Variants in EIF3K observed in about 807,000 individuals in gnomAD.
The protein encoded by EIF3K is eukaryotic translation initiation factor 3 subunit K.
A neutral mutation model predicts 34.2 loss-of-function variants in EIF3K; 27 were observed. The observed-to-expected ratio is 0.79, with a 90% CI of 0.58 to 1.09. The LOEUF is 1.09. Among genes scored for constraint, EIF3K ranks in the 50% least tolerant of loss-of-function variants. The pLI is 0.00. For synonymous variants in EIF3K, 105 were observed against 105.7 expected, an observed-to-expected ratio of 0.99 and a Z score of 0.04; for missense variants, 232 against 275.4, an observed-to-expected ratio of 0.84 and a Z score of 1.11.
intron 4 of EIF3K, among the ~76,000 whole-genome samples, chr19:38,629,957 A>G (rs1599736356): frequency 6.6e-6 from 1 of 152,208 alleles, no homozygotes; most frequent in South Asian, 2.1e-4. Context: ...GGCTGAATAC[A>G]CTTAGCCAAT....
chr19:38,634,909 G>C, intron 6 of EIF3K, 84 bp from the exon 7 acceptor site: 1 of 1,585,988 alleles, frequency 6.3e-7, no homozygotes, highest in East Asian at 2.3e-5. Flanking sequence ...CTGGCTTCCT[G>C]AGCCATGACT....
chr19:38,636,803 C>G, intron 7 of EIF3K, 86 bp from the exon 8 acceptor site: 1 of 1,511,794 alleles, frequency 6.6e-7, no homozygotes. Context: ...TGATCTCCCC[C>G]TAAAGAATTG....
chr19:38,632,513 G>C lies in EIF3K; in HGVS notation c.421+17G>C. The C allele has an allele frequency of 2.5e-6, 4 of 1,614,146 alleles. No individual in the cohort carries two copies. The highest frequency in any genetic ancestry group is 3.4e-6 in the Non-Finnish European group (4 of 1,179,968). ...TCCGAAAGTGTAAGTCCCTCTCTGA[G>C]GCTGGGCTCCCCAAGGGGAAGGGGT... On this transcript the variant is annotated intron_variant, in intron 5 of 7. Transcript: ENST00000248342.
chr19:38,625,309 A>G (rs935326640), intron 3 of EIF3K, among the ~76,000 whole-genome samples: 3 of 151,620 alleles, frequency 2.0e-5, no homozygotes, highest in Non-Finnish European at 4.4e-5. Flanking sequence ...CCACAGGTGC[A>G]TGCATGCTAC....
intron 4 of EIF3K, among the ~76,000 whole-genome samples, chr19:38,626,715 C>G (rs73552645): frequency 1.3e-5 from 2 of 152,206 alleles, no homozygotes; most frequent in African/African-American, 2.4e-5. Context: ...CCTGGCCCCC[C>G]ACTTCTGCAG....
chr19:38,635,236 G>T, intron 7 of EIF3K, 118 bp downstream of exon 7: 2 of 1,413,246 alleles, frequency 1.4e-6, no homozygotes, highest in Non-Finnish European at 9.8e-7. Context: ...TGGGAAGTCT[G>T]CACCTGCCAG....
chr19:38,621,807 T>C (rs1250939064), intron 2 of EIF3K, among the ~76,000 whole-genome samples: 1 of 152,186 alleles, frequency 6.6e-6, no homozygotes, highest in Admixed American at 6.6e-5. Context: ...GGCTGCAGTT[T>C]GTTGTCATGG....
At chr19:38,627,175 G>A (rs979551650) in intron 4 of EIF3K, among the ~76,000 whole-genome samples, 2 of 151,844 alleles carry the variant, frequency 1.3e-5, no homozygotes, top group African/African-American at 4.8e-5. Flanking sequence ...TAGTAGAGAC[G>A]GGGTTTTGCC....
intron 6 of EIF3K, among the ~76,000 whole-genome samples, chr19:38,633,190 TAGAG>T (rs964864982): frequency 6.6e-6 from 1 of 151,778 alleles, no homozygotes; most frequent in Non-Finnish European, 1.5e-5. Context: ...TGGGCGAAAG[TAGAG>T]AGCTGGGGGT....
intron 4 of EIF3K, chr19:38,632,082 T>TC (rs1976080561): frequency 8.3e-6 from 2 of 241,946 alleles, no homozygotes; most frequent in African/African-American, 4.6e-5. Context: ...ATCTTTCTTT[T>TC]CCCCACACAT....
intron 3 of EIF3K, among the ~76,000 whole-genome samples, chr19:38,625,174 T>C (rs893679903): frequency 1.3e-5 from 2 of 151,396 alleles, no homozygotes; most frequent in African/African-American, 2.4e-5. Context: ...TTTATTTTAT[T>C]TTTTTTTTGA....
intron 4 of EIF3K, among the ~76,000 whole-genome samples, chr19:38,627,660 A>C (rs1216057796): frequency 1.3e-5 from 2 of 150,906 alleles, no homozygotes; most frequent in African/African-American, 4.9e-5. Flanking sequence ...TGGGTGACAG[A>C]GTGAGACTCC....
In EIF3K at chr19:38,623,937, G is replaced by C. The variant is rs558059409; in HGVS notation, c.159-140G>C. The C allele has an allele frequency of 5.2e-6, 7 of 1,344,280 alleles. No individual in the cohort carries two copies. The South Asian group carries it at 8.0e-5, about 15-fold the overall frequency. 83.3% of individuals were successfully genotyped at this position (1,344,280 alleles called of 1,614,324 possible). On this transcript the variant is annotated intron_variant, in intron 2 of 7. Transcript: ENST00000248342. ...GGCTCAGGGAGGTGAAGGTTACACAGCTGGGAAGCACTGGGACTGGGATTG... is the reference window on the plus strand; with the variant it reads ...GGCTCAGGGAGGTGAAGGTTACACACCTGGGAAGCACTGGGACTGGGATTG...
At chr19:38,628,096 G>A (rs1975986173) in intron 4 of EIF3K, among the ~76,000 whole-genome samples, 1 of 151,936 alleles carries the variant, frequency 6.6e-6, no homozygotes, top group African/African-American at 2.4e-5. Flanking sequence ...TAGAGACGGG[G>A]TTTCACCATG....
intron 4 of EIF3K, among the ~76,000 whole-genome samples, chr19:38,629,396 G>A (rs937553869): frequency 2.0e-5 from 3 of 152,190 alleles, no homozygotes; most frequent in African/African-American, 7.2e-5. Flanking sequence ...CCAGGCTCAA[G>A]TGATCCCCGC....
intron 1 of EIF3K, 111 bp downstream of exon 1, chr19:38,619,438 T>C: frequency 8.2e-7 from 1 of 1,224,384 alleles, no homozygotes. Flanking sequence ...GTGGGGTTTC[T>C]CTATCCTCCT....
rs1331604391 is a variant in EIF3K, at chr19:38,624,197, T to C, written c.279T>C (p.His93=). 1 of 1,614,094 alleles carries C rather than the reference T, an allele frequency of 6.2e-7. No homozygotes were observed. Among genetic ancestry groups the C allele is most frequent in the South Asian group, 1.1e-5 (1 of 91,086 alleles). ...TLCKCMIDQA[H]QEERPIRQIL... is the part of the protein sequence containing the mutation. ...GCAAGTGCATGATCGACCAGGCACA[T>C]GTATCCTTCCAGCACTGGGGCCGGG... Residue 93 remains histidine, a splice_region_variant and synonymous_variant, in exon 3 of 8, where the codon CAT becomes CAC. Coordinates refer to ENST00000248342, the MANE Select transcript of EIF3K (RefSeq NM_013234.4).
chr19:38,628,217 T>C (rs1975988357), intron 4 of EIF3K, among the ~76,000 whole-genome samples: 1 of 152,156 alleles, frequency 6.6e-6, no homozygotes, highest in Non-Finnish European at 1.5e-5. Context: ...TGAGGCATTT[T>C]TAAAAATTAA....
At chr19:38,634,259 G>A (rs1976137470) in intron 6 of EIF3K, among the ~76,000 whole-genome samples, 1 of 139,388 alleles carries the variant, frequency 7.2e-6, no homozygotes. Flanking sequence ...ACCTCGCCCA[G>A]CTAATTTTTT....
Sources: allele counts gnomAD v4.1 joint callset (sites outside exome capture counted in the v4.1 genomes callset), GRCh38; gene constraint gnomAD v4.1.1; transcripts MANE v1.5; gene names NCBI Gene and HGNC (gene_info 2026-07-23, HGNC 2026-07-21).